Variants in CHST12 observed in about 807,000 individuals in gnomAD.
CHST12 encodes carbohydrate sulfotransferase 12, also known as carbohydrate (chondroitin 4) sulfotransferase 12.
Under a neutral mutation model 27.9 loss-of-function variants are expected in CHST12, and 23 were observed. The observed-to-expected ratio is 0.82, with a 90% confidence interval of 0.59 to 1.17. CHST12 has a LOEUF of 1.17. Ranked by LOEUF, CHST12 falls within the 50% of genes most tolerant of loss-of-function variation. The pLI is 0.00. For missense variants in CHST12, 682 were observed against 603.0 expected (o/e 1.13, Z -1.37); for synonymous variants, 322 against 273.0 (o/e 1.18, Z -1.77).
rs575869704 is a variant in CHST12 at position 2,417,273 on chromosome 7, A to G, written c.-78+13600A>G. Among the ~76,000 whole-genome samples the G allele has an allele frequency of 2.7e-5, 4 of 148,730 alleles. 1 individual carries two copies. The highest frequency in any genetic ancestry group is 4.3e-4 in the South Asian group (2 of 4,688). ...AGAGTCTTGCTCTGTTGGCCAGGCT[A>G]GAGTGCAGTGGCGTGATCTCAGCTC... On this transcript the variant is annotated intron_variant, in intron 1 of 1. Coordinates refer to ENST00000618655, the MANE Select transcript of CHST12 (RefSeq NM_018641.5).
At position 2,438,337 on chromosome 7, in the gene CHST12, T is replaced by A. The variant is rs981132265; in HGVS notation, c.*4453T>A. ...AGGAAGCCTGGGTTCCTGGTGGTGC[T>A]CCCCTCCATGTGTGCTCACCCGCCT... On this transcript the variant is annotated 3_prime_UTR_variant, in exon 2 of 2. Transcript: ENST00000618655. The A allele has an allele frequency of 6.6e-6, 1 of 152,130 alleles. No individual in the cohort carries two copies. The highest frequency in any genetic ancestry group is 2.4e-5 in the African/African-American group (1 of 41,392). 9.4% of individuals were successfully genotyped at this position (152,130 alleles called of 1,614,324 possible).
chr7:2,444,580 G>C lies in CHST12; in HGVS notation c.*10696G>C, dbSNP rs924668194. The C allele has an allele frequency of 6.6e-6, 1 of 152,310 alleles. No homozygotes were observed. The highest frequency in any genetic ancestry group is 1.5e-5 in the Non-Finnish European group (1 of 68,106). The allele number at this position is 152,310 out of a possible 1,614,324, so 9.4% of individuals were successfully genotyped here. ...TGGCACTGGCCTCAGCCAGCACCAA[G>C]GCTGAAAGAGCCCATTCAGAGGCCA... On this transcript the variant is annotated 3_prime_UTR_variant, in exon 2 of 2. Transcript: ENST00000618655.
At chr7:2,417,308 T>A (rs752933390) in intron 1 of CHST12, among the ~76,000 whole-genome samples, 33 of 149,852 alleles carry the variant, frequency 2.2e-4, no homozygotes, top group Non-Finnish European at 4.1e-4. Context: ...CACTGCAACC[T>A]CTGCTTCCTG....
chr7:2,432,774 G>C lies in CHST12; in HGVS notation c.135G>C (p.Thr45=). The C allele has an allele frequency of 6.2e-7, 1 of 1,613,688 alleles. No individual in the cohort carries two copies. The highest frequency in any genetic ancestry group is 8.5e-7 in the Non-Finnish European group (1 of 1,179,800). ...ACACGTCCTTCTCTAGGCCGCACAC[G>C]GGGCCGCCGCTGCCCACGCCCGGGC... ...YLHTSFSRPH[T]GPPLPTPGPD... The change falls in exon 2 of 2, where the codon ACG becomes ACC. Residue 45 remains threonine (T), a synonymous_variant. Transcript: ENST00000618655.
intron 1 of CHST12, among the ~76,000 whole-genome samples, chr7:2,419,668 C>T (rs1781913075): frequency 6.7e-6 from 1 of 148,432 alleles, no homozygotes; most frequent in Non-Finnish European, 1.5e-5. Flanking sequence ...GATTGTGCAA[C>T]TGCACTCAAG....
intron 1 of CHST12, among the ~76,000 whole-genome samples, chr7:2,431,525 A>C (rs1782269078): frequency 1.3e-5 from 2 of 152,156 alleles, no homozygotes; most frequent in Admixed American, 6.5e-5. Flanking sequence ...GCCTCACACC[A>C]TCTCCTTCCA....
chr7:2,409,625 G>GA (rs60865098), intron 1 of CHST12, among the ~76,000 whole-genome samples: 19 of 146,078 alleles, frequency 1.3e-4, no homozygotes, highest in South Asian at 8.7e-4. Context: ...CTGTCTCAAA[G>GA]AAAAAAAAAA....
In CHST12 at chr7:2,443,077, A is replaced by G. The variant is rs144972260; in HGVS notation, c.*9193A>G. On this transcript the variant is annotated 3_prime_UTR_variant, in exon 2 of 2. Coordinates refer to ENST00000618655, the MANE Select transcript of CHST12 (RefSeq NM_018641.5). ...GCTGGGATTACAGGTGCCCGCCACC[A>G]TGGCCAGCTAATTTTTTTGTTTATT... is the stretch of plus-strand genomic sequence containing the variant. 4,487 of 151,994 alleles carry G rather than the reference A, an allele frequency of 0.03. 95 individuals carry two copies. Among genetic ancestry groups the G allele is most frequent in the Non-Finnish European group, 0.046 (3,144 of 67,962 alleles). 9.4% of individuals were successfully genotyped at this position (151,994 alleles called of 1,614,324 possible).
Position 2,409,435 on chromosome 7 carries a change from C to T in CHST12, c.-78+5762C>T, listed in dbSNP as rs142891739. On this transcript the variant is annotated intron_variant, in intron 1 of 1. Coordinates refer to ENST00000618655, the MANE Select transcript of CHST12 (RefSeq NM_018641.5). Reference sequence around the variant, plus strand: ...TTCAAGACCAGCCTGGGCAACATGGCGAAACCCTGTCTCTACTGAAAATAC... The same window carrying T: ...TTCAAGACCAGCCTGGGCAACATGGTGAAACCCTGTCTCTACTGAAAATAC... Among the ~76,000 whole-genome samples the T allele has an allele frequency of 6.9e-4, 105 of 152,102 alleles. No homozygotes were observed. In the East Asian group the frequency reaches 0.02, roughly 28 times the overall value.
chr7:2,406,514 GCGGTTGAGTATGGGGTGGGGGCGCA>G (rs1781529826), intron 1 of CHST12, among the ~76,000 whole-genome samples: 1 of 128,032 alleles, frequency 7.8e-6, no homozygotes, highest in Non-Finnish European at 1.7e-5. Context: ...GGGTGGGGGC[GCGGTTGAGTATGGGGTGGGGGCGCA>G]GTGCTGAACA....
Position 2,445,287 on chromosome 7 carries a change from G to C in CHST12, c.*11403G>C, listed in dbSNP as rs1184995417. ...TGTTGTGGAGGACTTGGCACGCCCTGTCTCAGGCCTGGCTCTGGCTCTGGG... is the reference window on the plus strand; with the variant it reads ...TGTTGTGGAGGACTTGGCACGCCCTCTCTCAGGCCTGGCTCTGGCTCTGGG... On this transcript the variant is annotated 3_prime_UTR_variant, in exon 2 of 2. Transcript: ENST00000618655. The C allele has an allele frequency of 2.6e-5, 4 of 152,422 alleles. No homozygotes were observed. The highest frequency in any genetic ancestry group is 7.2e-5 in the African/African-American group (3 of 41,570). The allele number at this position is 152,422 out of a possible 1,614,324, so 9.4% of individuals were successfully genotyped here.
Position 2,433,646 on chromosome 7 carries a change from A to G in CHST12, c.1007A>G (p.Tyr336Cys), listed in dbSNP as rs367701587. The G allele has an allele frequency of 1.4e-5, 22 of 1,613,582 alleles. No individual in the cohort carries two copies. Among genetic ancestry groups the G allele is most frequent in the East Asian group, 2.2e-5 (1 of 44,882 alleles). The change falls in exon 2 of 2, where the codon TAC becomes TGC. Residue 336 changes from tyrosine to cysteine, a missense_variant. Coordinates refer to ENST00000618655, the MANE Select transcript of CHST12 (RefSeq NM_018641.5). This position sits in a 1 kb window ranked among gnomAD's most constrained non-coding sequence, Gnocchi z 6.1. ...YRLCHPCQIDYDFVGKLETLD... is the reference protein window; with the variant it reads ...YRLCHPCQIDCDFVGKLETLD... ...CTCTGCCACCCGTGCCAGATCGACT[A>G]CGACTTCGTGGGGAAGCTGGAGACT... is the stretch of plus-strand genomic sequence containing the variant.
intron 1 of CHST12, among the ~76,000 whole-genome samples, chr7:2,423,368 C>T (rs1782025815): frequency 6.6e-6 from 1 of 152,154 alleles, no homozygotes; most frequent in South Asian, 2.1e-4. Context: ...TGCATGTTCT[C>T]GTCCCACTCA....
chr7:2,425,076 G>A (rs1245230227), intron 1 of CHST12, among the ~76,000 whole-genome samples: 1 of 151,834 alleles, frequency 6.6e-6, no homozygotes, highest in Non-Finnish European at 1.5e-5. Context: ...TGTGGTGGCG[G>A]GCGCCTGTAG....
chr7:2,434,079 G>A lies in CHST12; in HGVS notation c.*195G>A. The A allele has an allele frequency of 4.1e-6, 2 of 490,964 alleles. No individual in the cohort carries two copies. The highest frequency in any genetic ancestry group is 3.6e-6 in the Non-Finnish European group (1 of 276,240). The allele number at this position is 490,964 out of a possible 1,614,324, so 30.4% of individuals were successfully genotyped here. The stretch of plus-strand genomic sequence containing the variant: ...ATACGAAATGTGGAAGGGAATGCTG[G>A]AGTAAAATATCCCCTCTCCCCTCCG... On this transcript the variant is annotated 3_prime_UTR_variant, in exon 2 of 2. Coordinates refer to ENST00000618655, the MANE Select transcript of CHST12 (RefSeq NM_018641.5).
chr7:2,415,545 T>C (rs1781780461), intron 1 of CHST12, among the ~76,000 whole-genome samples: 1 of 152,106 alleles, frequency 6.6e-6, no homozygotes, highest in Non-Finnish European at 1.5e-5. Context: ...TGTCTTGATG[T>C]TGATAGCTGC....
chr7:2,432,562 G>C lies in CHST12; in HGVS notation c.-77-1G>C, dbSNP rs1209536618. 2.0e-6 allele frequency: 3 copies of C among 1,479,716 alleles called. No homozygotes were observed. Among genetic ancestry groups the C allele is most frequent in the South Asian group, 1.3e-5 (1 of 77,936 alleles). The allele number at this position is 1,479,716 out of a possible 1,614,324, so 91.7% of individuals were successfully genotyped here. On this transcript the variant is annotated splice_acceptor_variant, in intron 1 of 1. Coordinates refer to ENST00000618655, the MANE Select transcript of CHST12 (RefSeq NM_018641.5). LOFTEE classifies it low-confidence loss of function (5UTR_SPLICE). The stretch of plus-strand genomic sequence containing the variant: ...TAACTAGTGTGTCATTGCATCTGCA[G>C]GTTCCCAGCAGGATGCCCCGGCTCT...
rs758082936 is a variant in CHST12 at position 2,433,442 on chromosome 7, G to T, written c.803G>T (p.Arg268Leu). 1.2e-6 allele frequency: 2 copies of T among 1,609,720 alleles called. No homozygotes were observed. The highest frequency in any genetic ancestry group is 4.5e-5 in the East Asian group (2 of 44,886). Residue 268 changes from arginine to leucine, a missense_variant, in exon 2 of 2, where the codon CGC (arginine) becomes CTC (leucine). By Grantham distance (102) the Arg-to-Leu change is moderately radical (BLOSUM62 -2). Coordinates refer to ENST00000618655, the MANE Select transcript of CHST12 (RefSeq NM_018641.5). This position sits in a 1 kb window ranked among gnomAD's most constrained non-coding sequence, Gnocchi z 6.1. ...KFELENEEFY[R>L]KFAVPMLRLY... ...GAGCTGGAGAACGAGGAGTTCTACC[G>T]CAAGTTCGCCGTGCCCATGCTGCGG...
rs180777180 is a variant in CHST12, at chr7:2,406,894, G to A, written c.-78+3221G>A. Reference sequence around the variant, plus strand: ...CACTGGGAAACCAGAGAGCGTGCAGGAAGGAGCCTTAGAAAGCAGGCTGTC... The same window carrying A: ...CACTGGGAAACCAGAGAGCGTGCAGAAAGGAGCCTTAGAAAGCAGGCTGTC... On this transcript the variant is annotated intron_variant, in intron 1 of 1. Transcript: ENST00000618655. Among the ~76,000 whole-genome samples the A allele has an allele frequency of 3.9e-4, 59 of 152,238 alleles. No homozygotes were observed. The South Asian group carries it at 7.1e-3, about 18-fold the overall frequency.
Sources: gnomAD v4.1 joint callset for allele counts (sites outside exome capture counted in the v4.1 genomes callset) on GRCh38, gnomAD v4.1.1 for gene constraint, Gnocchi (gnomAD v3.1) non-coding constraint, MANE v1.5 for transcripts, NCBI Gene and HGNC (gene_info 2026-07-23, HGNC 2026-07-21) for gene names.